The following IFTAP variants were observed in gnomAD, a reference collection of about 807,000 sequenced individuals.
The protein encoded by IFTAP is intraflagellar transport-associated protein.
In IFTAP, 19 loss-of-function variants were observed where a neutral mutation model predicts 19.4. The ratio of observed to expected loss-of-function variants is 0.98; its 90% CI spans 0.68 to 1.44. The LOEUF (loss-of-function observed/expected upper bound fraction) is 1.44. IFTAP is among the 40% of genes most tolerant of loss of function. The pLI is 0.00. For missense variants in IFTAP, 240 were observed against 253.6 expected (o/e 0.95, Z 0.36); for synonymous variants, 85 against 83.5 (o/e 1.02, Z -0.10).
Position 36,624,176 on chromosome 11 carries a change from A to T in IFTAP, c.137-9108A>T, listed in dbSNP as rs141513448. Among the ~76,000 whole-genome samples the T allele has an allele frequency of 2.6e-5, 4 of 152,234 alleles. No individual in the cohort carries two copies. The East Asian group carries it at 7.7e-4, about 29-fold the overall frequency. ...TTTTTTTGTTCATAGTACAAAAATTAGAAAATACTCAGAGGTACCAGCACC... is the reference window on the plus strand; with the variant it reads ...TTTTTTTGTTCATAGTACAAAAATTTGAAAATACTCAGAGGTACCAGCACC... On this transcript the variant is annotated intron_variant, in intron 2 of 5. Transcript: ENST00000334307.
At chr11:36,594,659 C>A in intron 1 of IFTAP, 67 bp downstream of exon 1, 1 of 163,008 alleles carries the variant, frequency 6.1e-6, no homozygotes, top group Admixed American at 5.8e-5. Flanking sequence ...TGGCTGACAC[C>A]GACCCAACGT....
rs1209329059 is a variant in IFTAP at position 36,610,084 on chromosome 11, C to T, written c.-20C>T. 9 of 1,611,454 alleles carry T rather than the reference C, an allele frequency of 5.6e-6. No individual in the cohort carries two copies. Among genetic ancestry groups the T allele is most frequent in the Non-Finnish European group, 6.8e-6 (8 of 1,178,278 alleles). On this transcript the variant is annotated 5_prime_UTR_variant, in exon 2 of 6. Coordinates refer to ENST00000334307, the MANE Select transcript of IFTAP (RefSeq NM_138787.4). ...CTGGTATTTTTCTGTCTTGCAGATA[C>T]TGTGGCCTCATGAATAGGAATGTCT...
At chr11:36,622,751 AAG>A (rs1490820463) in intron 2 of IFTAP, among the ~76,000 whole-genome samples, 2 of 152,188 alleles carry the variant, frequency 1.3e-5, no homozygotes, top group African/African-American at 4.8e-5. Flanking sequence ...TCTGATACGA[AAG>A]AGAAAAACAT....
At chr11:36,644,563 G>A in intron 4 of IFTAP, among the ~76,000 whole-genome samples, 1 of 151,984 alleles carries the variant, frequency 6.6e-6, no homozygotes, top group South Asian at 2.1e-4. Context: ...TGTTCATTGT[G>A]GCACTATTCA....
intron 1 of IFTAP, among the ~76,000 whole-genome samples, chr11:36,598,909 G>T (rs940183064): frequency 1.3e-5 from 2 of 152,198 alleles, no homozygotes; most frequent in Admixed American, 6.5e-5. Flanking sequence ...AAGATTAAAT[G>T]AGATAATGTA....
intron 2 of IFTAP, among the ~76,000 whole-genome samples, chr11:36,611,700 T>G (rs1471459686): frequency 6.6e-6 from 1 of 152,128 alleles, no homozygotes; most frequent in African/African-American, 2.4e-5. Flanking sequence ...GTGGTGATTT[T>G]TGTTTATACT....
chr11:36,640,169 C>G (rs941667632), intron 4 of IFTAP, among the ~76,000 whole-genome samples: 1 of 152,088 alleles, frequency 6.6e-6, no homozygotes, highest in African/African-American at 2.4e-5. Context: ...CCCTCAGAAA[C>G]CCTAAGGTTG....
chr11:36,619,899 A>G (rs969611), intron 2 of IFTAP, among the ~76,000 whole-genome samples: 17,251 of 152,072 alleles, frequency 0.11, 1,155 homozygotes, highest in African/African-American at 0.17. Flanking sequence ...ATTTAACAGT[A>G]AAGAGAAGAT....
Position 36,648,097 on chromosome 11 carries a change from C to T in IFTAP, c.440C>T (p.Pro147Leu), listed in dbSNP as rs1318474742. ...TGTATCCCTTTTGTGGCCCAGCCTCCTACCTGTGAAGTGAAGCCAAAGCCC... is the reference window on the plus strand; with the variant it reads ...TGTATCCCTTTTGTGGCCCAGCCTCTTACCTGTGAAGTGAAGCCAAAGCCC... Reference protein sequence around the residue: ...PSCIPFVAQPPTCEVKPKPSV... With the variant: ...PSCIPFVAQPLTCEVKPKPSV... Residue 147 changes from proline to leucine, a missense_variant, in exon 5 of 6, where the codon CCT becomes CTT. Physicochemically the swap from Pro to Leu is moderately conservative, Grantham distance 98 (BLOSUM62 -3). Transcript: ENST00000334307. 3.1e-6 allele frequency: 5 copies of T among 1,613,318 alleles called. No homozygotes were observed. Among genetic ancestry groups the T allele is most frequent in the Non-Finnish European group, 4.2e-6 (5 of 1,179,604 alleles).
chr11:36,651,927 C>A (rs997166831), intron 5 of IFTAP, among the ~76,000 whole-genome samples: 1 of 152,154 alleles, frequency 6.6e-6, no homozygotes, highest in Non-Finnish European at 1.5e-5. Flanking sequence ...TGGTTTGGTA[C>A]CAGTACTATG....
intron 3 of IFTAP, among the ~76,000 whole-genome samples, chr11:36,635,062 G>A (rs1206641743): frequency 6.6e-6 from 1 of 152,082 alleles, no homozygotes; most frequent in African/African-American, 2.4e-5. Context: ...AATAACTGCA[G>A]GTATGTACTT....
chr11:36,616,579 C>T (rs974460818), intron 2 of IFTAP, among the ~76,000 whole-genome samples: 4 of 151,880 alleles, frequency 2.6e-5, no homozygotes, highest in African/African-American at 7.2e-5. Flanking sequence ...GTTTCAACAC[C>T]GTTGAATAGG....
intron 5 of IFTAP, among the ~76,000 whole-genome samples, chr11:36,656,473 G>A (rs1367161456): frequency 2.0e-5 from 3 of 152,138 alleles, no homozygotes; most frequent in Non-Finnish European, 2.9e-5. Flanking sequence ...AGGAGGCTGA[G>A]GCAGGAGAAT....
At chr11:36,600,306 G>A (rs1329665622) in intron 1 of IFTAP, among the ~76,000 whole-genome samples, 2 of 152,240 alleles carry the variant, frequency 1.3e-5, no homozygotes, top group African/African-American at 2.4e-5. Flanking sequence ...CCACGGACAG[G>A]TACGGTCAGC....
At chr11:36,612,780 T>C (rs1251902738) in intron 2 of IFTAP, among the ~76,000 whole-genome samples, 3 of 152,116 alleles carry the variant, frequency 2.0e-5, no homozygotes, top group East Asian at 1.9e-4. Flanking sequence ...TCATTTTCTT[T>C]CTAAGAGTGT....
chr11:36,622,723 T>C (rs969951475), intron 2 of IFTAP, among the ~76,000 whole-genome samples: 1 of 152,138 alleles, frequency 6.6e-6, no homozygotes, highest in Non-Finnish European at 1.5e-5. Flanking sequence ...TAAAGTTTTA[T>C]GATTGGGGTT....
At position 36,610,092 on chromosome 11, in the gene IFTAP, T is replaced by C. The variant is rs535628899; in HGVS notation, c.-12T>C. On this transcript the variant is annotated 5_prime_UTR_variant, in exon 2 of 6. Transcript: ENST00000334307. ...TTTCTGTCTTGCAGATACTGTGGCC[T>C]CATGAATAGGAATGTCTGCCCATAT... 3 of 1,612,358 alleles carry C rather than the reference T, an allele frequency of 1.9e-6. No individual in the cohort carries two copies. The highest frequency in any genetic ancestry group is 1.3e-5 in the African/African-American group (1 of 74,966).
At chr11:36,613,675 T>C (rs1422187452) in intron 2 of IFTAP, among the ~76,000 whole-genome samples, 1 of 152,006 alleles carries the variant, frequency 6.6e-6, no homozygotes, top group Non-Finnish European at 1.5e-5. Context: ...GGATAACTAC[T>C]GAACCCAAAC....
chr11:36,658,003 G>T (rs898738225), intron 5 of IFTAP, among the ~76,000 whole-genome samples: 2 of 152,212 alleles, frequency 1.3e-5, no homozygotes, highest in Admixed American at 1.3e-4. Flanking sequence ...ACAGATAGGA[G>T]ATAACTACTC....
Sources: allele counts gnomAD v4.1 joint callset (sites outside exome capture counted in the v4.1 genomes callset), GRCh38; gene constraint gnomAD v4.1.1; transcripts MANE v1.5; gene names NCBI Gene and HGNC (gene_info 2026-07-23, HGNC 2026-07-21).